The following NCOA2 variants were observed in gnomAD, a reference collection of about 807,000 sequenced individuals.
NCOA2 encodes nuclear receptor coactivator 2.
NCOA2 carries 21 observed loss-of-function variants against 145.1 expected under a neutral mutation model. The observed-to-expected ratio is 0.14, with a 90% CI of 0.10 to 0.21. The LOEUF (loss-of-function observed/expected upper bound fraction) is 0.21. NCOA2 is among the 10% of genes least tolerant of loss of function. The pLI, the probability that NCOA2 is intolerant of heterozygous loss-of-function variation, is 1.00. For synonymous variants in NCOA2, 619 were observed against 637.5 expected, an observed-to-expected ratio of 0.97 and a Z score of 0.44; for missense variants, 1,472 against 1,837.6, an observed-to-expected ratio of 0.80 and a Z score of 3.64.
At position 70,403,719 on chromosome 8, in the gene NCOA2, C is replaced by T. The variant is rs1031565486; in HGVS notation, c.-96G>A. On this transcript the variant is annotated 5_prime_UTR_variant, in exon 1 of 23. Transcript: ENST00000452400. Reference sequence around the variant, plus strand: ...GGTTACCGGCTCGGGTCGGTCACGCCGTCAGGTGCCGGCTGCCGTCGGCGC... The same window carrying T: ...GGTTACCGGCTCGGGTCGGTCACGCTGTCAGGTGCCGGCTGCCGTCGGCGC... 3 of 396,518 alleles carry T rather than the reference C, an allele frequency of 7.6e-6. No individual in the cohort carries two copies. Among genetic ancestry groups the T allele is most frequent in the Non-Finnish European group, 1.3e-5 (3 of 224,766 alleles). 24.6% of individuals were successfully genotyped at this position (396,518 alleles called of 1,614,324 possible). A position where few individuals can be genotyped will look rare whatever the true frequency, so the allele number is the denominator to read the frequency against.
rs186640620 is a variant in NCOA2 at position 70,227,447 on chromosome 8, C to T, written c.-19-10683G>A. ...CTAGGGTGAGTGTGTAAGAAGTATT[C>T]TTCTGAAATACCTTTTTATGCTCTT... is the stretch of plus-strand genomic sequence containing the variant. On this transcript the variant is annotated intron_variant, in intron 2 of 22. Transcript: ENST00000452400. 1.4e-3 allele frequency among the ~76,000 whole-genome samples: 208 copies of T among 152,260 alleles called. 2 individuals carry two copies. Among genetic ancestry groups the T allele is most frequent in the Non-Finnish European group, 2.7e-3 (181 of 68,026 alleles).
Position 70,321,793 on chromosome 8 carries a change from C to CTTTTTTTTTTTTTTTTTTTT in NCOA2, c.-76-25013_-76-24994dup, listed in dbSNP as rs559680322. Among the ~76,000 whole-genome samples, 27 of 73,568 alleles carry CTTTTTTTTTTTTTTTTTTTT rather than the reference C, an allele frequency of 3.7e-4. 4 individuals are homozygous for CTTTTTTTTTTTTTTTTTTTT. The highest frequency in any genetic ancestry group is 2.6e-3 in the South Asian group (4 of 1,540). 48.3% of individuals were successfully genotyped at this position (73,568 alleles called of 152,430 possible). On this transcript the variant is annotated intron_variant, in intron 1 of 22. Coordinates refer to ENST00000452400, the MANE Select transcript of NCOA2 (RefSeq NM_006540.4). ...TGCTTTCCTAAGTTTCAGAATATACCTTTTTTTTTTTTTTTTTTTTTTTTT... is the reference window on the plus strand; with the variant it reads ...TGCTTTCCTAAGTTTCAGAATATACCTTTTTTTTTTTTTTTTTTTTTTTTTTTTTTTTTTTTTTTTTTTTT...
At chr8:70,320,254 C>T (rs1203909116) in intron 1 of NCOA2, among the ~76,000 whole-genome samples, 5 of 151,904 alleles carry the variant, frequency 3.3e-5, no homozygotes, top group Non-Finnish European at 7.4e-5. Context: ...TTAAAAAAAA[C>T]ATGAAGAAAC....
At chr8:70,167,352 T>A (rs1031055351) in intron 6 of NCOA2, among the ~76,000 whole-genome samples, 2 of 152,110 alleles carry the variant, frequency 1.3e-5, no homozygotes, top group Non-Finnish European at 2.9e-5. Context: ...TGCACAAGCC[T>A]CCCCATGCTC....
chr8:70,295,698 T>C (rs959531627), intron 2 of NCOA2, among the ~76,000 whole-genome samples: 3 of 152,126 alleles, frequency 2.0e-5, no homozygotes, highest in African/African-American at 7.2e-5. Flanking sequence ...TCCAAGCACT[T>C]TGGGAGGCCG....
intron 2 of NCOA2, among the ~76,000 whole-genome samples, chr8:70,235,861 T>C (rs1821558405): frequency 6.6e-6 from 1 of 152,148 alleles, no homozygotes; most frequent in Admixed American, 6.5e-5. Flanking sequence ...AAATTTTTTT[T>C]CTTAAAAATT....
At chr8:70,455,599 A>T in the NCOA2 span, among the ~76,000 whole-genome samples, 1 of 151,672 alleles carries the variant, frequency 6.6e-6, no homozygotes. Flanking sequence ...AGTGTATGGG[A>T]TTCATCAGCC....
At chr8:70,270,983 C>T (rs1394073154) in intron 2 of NCOA2, among the ~76,000 whole-genome samples, 1 of 152,164 alleles carries the variant, frequency 6.6e-6, no homozygotes, top group Non-Finnish European at 1.5e-5. Context: ...TTTCAAAGCA[C>T]ATTAAATTAG....
rs192854322 is a variant in NCOA2, at chr8:70,128,166, T to C, written c.3681+267A>G. Among the ~76,000 whole-genome samples, 382 of 152,334 alleles carry C rather than the reference T, an allele frequency of 2.5e-3. 2 individuals carry two copies. Among genetic ancestry groups the C allele is most frequent in the African/African-American group, 8.4e-3 (351 of 41,578 alleles). ...AACCCTGTATTCCTCCTAGGAACGA[T>C]AGTTGGCTGTTCTCTAATTCAGTGT... On this transcript the variant is annotated intron_variant, in intron 18 of 22. Transcript: ENST00000452400.
At chr8:70,427,665 C>T in the NCOA2 span, among the ~76,000 whole-genome samples, 12 of 152,222 alleles carry the variant, frequency 7.9e-5, no homozygotes, top group Non-Finnish European at 1.6e-4. Flanking sequence ...AGTGGTACCC[C>T]TTCTCCCAGC....
chr8:70,276,673 T>C (rs1425342793), intron 2 of NCOA2, among the ~76,000 whole-genome samples: 1 of 152,218 alleles, frequency 6.6e-6, no homozygotes, highest in Non-Finnish European at 1.5e-5. Flanking sequence ...CTTCCCCTTC[T>C]GCCATGACTG....
chr8:70,156,041 G>C lies in NCOA2; in HGVS notation c.2324C>G (p.Pro775Arg). 6.2e-7 allele frequency: 1 copy of C among 1,610,442 alleles called. No individual in the cohort carries two copies. The highest frequency in any genetic ancestry group is 8.5e-7 in the Non-Finnish European group (1 of 1,178,890). Residue 775 changes from proline to arginine, a missense_variant, in exon 11 of 23, where the codon CCT becomes CGT. Pro to Arg is a moderately radical substitution (Grantham distance 103, BLOSUM62 -2). Coordinates refer to ENST00000452400, the MANE Select transcript of NCOA2 (RefSeq NM_006540.4). ...TGCTATTAATTTTGTGTTACTGGCA[G>C]GATCTGTCTTACTGTCCAGTCTCTC... ...KLERLDSKTD[P>R]ASNTKLIAMK... is the part of the protein sequence containing the mutation.
At chr8:70,376,413 T>G (rs1445605397) in intron 1 of NCOA2, among the ~76,000 whole-genome samples, 1 of 152,058 alleles carries the variant, frequency 6.6e-6, no homozygotes, top group African/African-American at 2.4e-5. Flanking sequence ...GCACCTACCT[T>G]CATACTTGCC....
At chr8:70,356,864 T>C (rs935584164) in intron 1 of NCOA2, among the ~76,000 whole-genome samples, 36 of 152,342 alleles carry the variant, frequency 2.4e-4, no homozygotes, top group Non-Finnish European at 3.1e-4. Context: ...AAAGACTACT[T>C]GTTTTTACAT....
At chr8:70,370,638 C>A (rs1400667666) in intron 1 of NCOA2, among the ~76,000 whole-genome samples, 2 of 151,822 alleles carry the variant, frequency 1.3e-5, no homozygotes, top group African/African-American at 4.8e-5. Flanking sequence ...AAATCTAAAC[C>A]TATGTAAGAA....
At chr8:70,441,296 AG>A in the NCOA2 span, among the ~76,000 whole-genome samples, 1 of 150,696 alleles carries the variant, frequency 6.6e-6, no homozygotes, top group Non-Finnish European at 1.5e-5. Context: ...AAGGAAGAAA[AG>A]AAAGAAAAGA....
intron 2 of NCOA2, among the ~76,000 whole-genome samples, chr8:70,237,515 C>T (rs1821737867): frequency 6.6e-6 from 1 of 151,316 alleles, no homozygotes; most frequent in African/African-American, 2.4e-5. Flanking sequence ...GTAATCCCAA[C>T]ACTTCAGGAA....
intron 2 of NCOA2, among the ~76,000 whole-genome samples, chr8:70,242,058 G>GTTTA (rs1305447928): frequency 6.6e-6 from 1 of 152,096 alleles, no homozygotes; most frequent in Non-Finnish European, 1.5e-5. Context: ...TCAATACTAT[G>GTTTA]TTTATTTATC....
chr8:70,162,987 T>G, intron 8 of NCOA2, 133 bp from the exon 9 acceptor site: 1 of 849,754 alleles, frequency 1.2e-6, no homozygotes, highest in Non-Finnish European at 1.7e-6. Context: ...CGATCTCAGC[T>G]CACTGCAACC....
Sources: gnomAD v4.1 joint callset for allele counts (sites outside exome capture counted in the v4.1 genomes callset) on GRCh38, gnomAD v4.1.1 for gene constraint, MANE v1.5 for transcripts, NCBI Gene and HGNC (gene_info 2026-07-23, HGNC 2026-07-21) for gene names.